BCAT1: variants seen among roughly 807,000 people sequenced by gnomAD.
The protein encoded by BCAT1 is branched chain amino acid transaminase 1, also known as branched-chain-amino-acid aminotransferase, cytosolic.
BCAT1 carries 48 observed loss-of-function variants against 52.4 expected under a neutral mutation model. That is an observed-to-expected ratio of 0.92 (90% confidence interval 0.73 to 1.16). The LOEUF is 1.16. Among genes scored for constraint, BCAT1 ranks in the 50% most tolerant of loss-of-function variants. BCAT1 has a pLI of 0.00. For synonymous variants in BCAT1, 167 were observed against 161.3 expected (o/e 1.04, Z -0.27); for missense variants, 451 against 457.1 (o/e 0.99, Z 0.12).
intron 5 of BCAT1, among the ~76,000 whole-genome samples, chr12:24,860,932 A>C (rs151191120): frequency 1.9e-4 from 29 of 152,354 alleles, no homozygotes; most frequent in East Asian, 1.7e-3. Context: ...GTTACATCAA[A>C]GTCAATTTTT....
intron 1 of BCAT1, among the ~76,000 whole-genome samples, chr12:24,937,858 T>C (rs757984964): frequency 2.0e-5 from 3 of 152,184 alleles, no homozygotes; most frequent in Non-Finnish European, 4.4e-5. Context: ...ACTGCATAGA[T>C]GTAAGATAGG....
rs1460837975 is a variant in BCAT1 at position 24,811,985 on chromosome 12, T to C, written c.*6023A>G. 1.3e-5 allele frequency: 2 copies of C among 152,132 alleles called. No individual in the cohort carries two copies. Among genetic ancestry groups the C allele is most frequent in the African/African-American group, 4.8e-5 (2 of 41,450 alleles). The allele number at this position is 152,132 out of a possible 1,614,324, so 9.4% of individuals were successfully genotyped here. On this transcript the variant is annotated 3_prime_UTR_variant, in exon 11 of 11. Coordinates refer to ENST00000261192, the MANE Select transcript of BCAT1 (RefSeq NM_005504.7). ...TGGGTTGAGCCCCAGCTCCATGTAT[T>C]AGGTAGCTAGGTATATTGTGGGATT...
At chr12:24,881,529 C>A in intron 3 of BCAT1, 118 bp from the exon 4 acceptor site, 1 of 632,504 alleles carries the variant, frequency 1.6e-6, no homozygotes. Context: ...TTGACATTGA[C>A]CTCAACTTGA....
intron 8 of BCAT1, among the ~76,000 whole-genome samples, chr12:24,834,962 A>G (rs1363718929): frequency 1.3e-5 from 2 of 152,260 alleles, no homozygotes; most frequent in Admixed American, 1.3e-4. Flanking sequence ...GTTTTAAAAT[A>G]GCTTTTAAAA....
intron 3 of BCAT1, among the ~76,000 whole-genome samples, chr12:24,884,493 T>C (rs932030926): frequency 2.6e-5 from 4 of 152,246 alleles, no homozygotes; most frequent in Non-Finnish European, 5.9e-5. Context: ...ATTTCAAATG[T>C]TCTCACCACA....
chr12:24,864,899 T>C (rs1356400832), intron 5 of BCAT1, among the ~76,000 whole-genome samples: 1 of 152,222 alleles, frequency 6.6e-6, no homozygotes, highest in Non-Finnish European at 1.5e-5. Flanking sequence ...CTCATCTCAC[T>C]GTGGCAGGAT....
At chr12:24,901,765 A>T (rs556476247) in intron 2 of BCAT1, 49 bp downstream of exon 2, 2 of 1,557,650 alleles carry the variant, frequency 1.3e-6, no homozygotes, top group Middle Eastern at 1.7e-4. Flanking sequence ...AAATGGATTT[A>T]TTCAGTTGAA....
In BCAT1 at chr12:24,844,442, A is replaced by T. The variant is rs1941271533; in HGVS notation, c.675-2218T>A. 1.3e-5 allele frequency among the ~76,000 whole-genome samples: 2 copies of T among 152,090 alleles called. 1 individual carries two copies. Among genetic ancestry groups the T allele is most frequent in the African/African-American group, 4.8e-5 (2 of 41,408 alleles). On this transcript the variant is annotated intron_variant, in intron 6 of 10. Coordinates refer to ENST00000261192, the MANE Select transcript of BCAT1 (RefSeq NM_005504.7). ...GCAAAATTCCGTCTCAAAAAAATAA[A>T]TAAATAAATAAATAATAATTTCAAG...
At chr12:24,880,306 A>T (rs947652483) in intron 4 of BCAT1, among the ~76,000 whole-genome samples, 15 of 152,224 alleles carry the variant, frequency 9.9e-5, no homozygotes, top group African/African-American at 3.4e-4. Flanking sequence ...TTTTAAAAAA[A>T]TTAAGCTGGG....
chr12:24,867,748 T>C lies in BCAT1; in HGVS notation c.510+10782A>G, dbSNP rs147678618. ...AAAGCTGGCTGGTGGCTCACACCTG[T>C]AATCCCAGCACTTTGGGAGGCTGAG... On this transcript the variant is annotated intron_variant, in intron 5 of 10. Transcript: ENST00000261192. Among the ~76,000 whole-genome samples the C allele has an allele frequency of 7.4e-3, 1,126 of 152,296 alleles. 8 individuals are homozygous for C. The highest frequency in any genetic ancestry group is 0.026 in the African/African-American group (1,090 of 41,564).
chr12:24,854,391 T>C (rs1477301590), intron 5 of BCAT1, among the ~76,000 whole-genome samples: 1 of 152,044 alleles, frequency 6.6e-6, no homozygotes, highest in Non-Finnish European at 1.5e-5. Flanking sequence ...CAAGACAATT[T>C]TTTTTTTAAT....
chr12:24,872,573 TACAG>T (rs1942209330), intron 5 of BCAT1, among the ~76,000 whole-genome samples: 1 of 152,238 alleles, frequency 6.6e-6, no homozygotes. Flanking sequence ...GAGATGTACT[TACAG>T]ACAATCTAAG....
At chr12:24,899,056 A>G (rs903670971) in intron 2 of BCAT1, among the ~76,000 whole-genome samples, 2 of 152,230 alleles carry the variant, frequency 1.3e-5, no homozygotes, top group African/African-American at 4.8e-5. Flanking sequence ...GCAGTGTTGC[A>G]TTCTGTGGAG....
At chr12:24,902,013 G>A (rs778140235) in intron 1 of BCAT1, 128 bp from the exon 2 acceptor site, 4 of 1,584,736 alleles carry the variant, frequency 2.5e-6, no homozygotes, top group East Asian at 2.3e-5. Context: ...AAAAAAGGAG[G>A]CTCAGACAAC....
At chr12:24,829,165 C>T (rs1424564740) in intron 10 of BCAT1, among the ~76,000 whole-genome samples, 2 of 152,018 alleles carry the variant, frequency 1.3e-5, no homozygotes, top group African/African-American at 4.8e-5. Flanking sequence ...AGGTGGATTA[C>T]CTTAGGTCAG....
intron 4 of BCAT1, among the ~76,000 whole-genome samples, chr12:24,879,644 C>T (rs568371508): frequency 6.6e-6 from 1 of 152,252 alleles, no homozygotes; most frequent in South Asian, 2.1e-4. Flanking sequence ...CTGCCTCAGC[C>T]CCTGGTATTG....
intron 3 of BCAT1, among the ~76,000 whole-genome samples, chr12:24,886,721 G>C (rs77423676): frequency 0.031 from 4,666 of 151,542 alleles, 128 homozygotes; most frequent in Non-Finnish European, 0.044. Flanking sequence ...GCAATGGATG[G>C]CAGTAAAGAA....
chr12:24,838,754 T>C (rs910458690), intron 7 of BCAT1, among the ~76,000 whole-genome samples: 1 of 152,146 alleles, frequency 6.6e-6, no homozygotes, highest in African/African-American at 2.4e-5. Flanking sequence ...AAATATTCAT[T>C]TTCCTCTGCA....
intron 5 of BCAT1, among the ~76,000 whole-genome samples, chr12:24,852,755 A>G (rs1372179855): frequency 6.6e-6 from 1 of 152,228 alleles, no homozygotes; most frequent in African/African-American, 2.4e-5. Flanking sequence ...TTCAATGCTG[A>G]GAGAAAATGT....
Sources: allele counts gnomAD v4.1 joint callset (sites outside exome capture counted in the v4.1 genomes callset), GRCh38; gene constraint gnomAD v4.1.1; transcripts MANE v1.5; gene names NCBI Gene and HGNC (gene_info 2026-07-23, HGNC 2026-07-21).